SEMA3E: variants seen among roughly 807,000 people sequenced by gnomAD.
SEMA3E encodes semaphorin 3E.
A neutral mutation model predicts 93.6 loss-of-function variants in SEMA3E; 49 were observed. The observed-to-expected ratio is 0.52, with a 90% CI of 0.42 to 0.66. The LOEUF is 0.66. Among genes scored for constraint, SEMA3E ranks in the 30% least tolerant of loss-of-function variants. The pLI is 0.00. For missense variants in SEMA3E, 906 were observed against 964.8 expected, an observed-to-expected ratio of 0.94 and a Z score of 0.81; for synonymous variants, 363 against 330.7, an observed-to-expected ratio of 1.10 and a Z score of -1.06.
chr7:83,386,884 T>C (rs989090723), intron 15 of SEMA3E, 99 bp downstream of exon 15: 3 of 1,050,232 alleles, frequency 2.9e-6, no homozygotes, highest in Non-Finnish European at 4.3e-6. Context: ...CTAGTATACA[T>C]GAATCACAAA....
chr7:83,394,375 A>G (rs1397531609), intron 12 of SEMA3E, 37 bp from the exon 13 acceptor site: 1 of 1,548,970 alleles, frequency 6.5e-7, no homozygotes, highest in African/African-American at 1.4e-5. Flanking sequence ...TTAAGAAAAC[A>G]GTATAAAAAC....
rs1262306988 is a variant in SEMA3E, at chr7:83,637,646, ACTT to A, written c.115+10779_115+10781del. Among the ~76,000 whole-genome samples, 7 of 152,138 alleles carry A rather than the reference ACTT, an allele frequency of 4.6e-5. No individual in the cohort carries two copies. In the South Asian group the frequency reaches 1.0e-3, roughly 23 times the overall value. ...AGGGGCTTTTCACCTTTTGCTCTGC[ACTT>A]CTTCTGCTGCCATATGAGGAAGGAT... On this transcript the variant is annotated intron_variant, in intron 1 of 16. Coordinates refer to ENST00000643230, the MANE Select transcript of SEMA3E (RefSeq NM_012431.3).
rs369848880 is a variant in SEMA3E at position 83,408,440 on chromosome 7, C to T, written c.598G>A (p.Ala200Thr). ...GLYSDYWSRDAAIFRSMGRLA... is the reference protein window; with the variant it reads ...GLYSDYWSRDTAIFRSMGRLA... ...CGCCCCATGCTGCGGAAGATCGCAG[C>T]GTCTCTGCTCCAGTAGTCACTGTAG... The change falls in exon 6 of 17, where the codon GCT becomes ACT. Residue 200 changes from alanine to threonine, a missense_variant. Physicochemically the swap from Ala to Thr is moderately conservative, Grantham distance 58. Coordinates refer to ENST00000643230, the MANE Select transcript of SEMA3E (RefSeq NM_012431.3). 1 of 1,613,706 alleles carries T rather than the reference C, an allele frequency of 6.2e-7. No individual in the cohort carries two copies. Among genetic ancestry groups the T allele is most frequent in the Non-Finnish European group, 8.5e-7 (1 of 1,179,792 alleles).
At chr7:83,564,056 A>G (rs1024144674) in intron 1 of SEMA3E, among the ~76,000 whole-genome samples, 1 of 152,194 alleles carries the variant, frequency 6.6e-6, no homozygotes, top group South Asian at 2.1e-4. Context: ...TCCATATAGA[A>G]GCCGATAATG....
intron 1 of SEMA3E, among the ~76,000 whole-genome samples, chr7:83,517,383 A>G (rs1324718795): frequency 6.6e-6 from 1 of 152,186 alleles, no homozygotes; most frequent in African/African-American, 2.4e-5. Context: ...GCTTTACCCA[A>G]ACACTTAGGA....
At chr7:83,433,510 C>T (rs1181142565) in intron 4 of SEMA3E, among the ~76,000 whole-genome samples, 1 of 152,106 alleles carries the variant, frequency 6.6e-6, no homozygotes, top group African/African-American at 2.4e-5. Flanking sequence ...ACAACCTTAA[C>T]AATGCTTCCC....
intron 4 of SEMA3E, among the ~76,000 whole-genome samples, chr7:83,454,974 A>G (rs1789451908): frequency 6.6e-6 from 1 of 152,152 alleles, no homozygotes; most frequent in Non-Finnish European, 1.5e-5. Flanking sequence ...ACATATTTTC[A>G]GAGAGATTTG....
At chr7:83,454,231 G>A (rs1158008999) in intron 4 of SEMA3E, among the ~76,000 whole-genome samples, 12 of 127,954 alleles carry the variant, frequency 9.4e-5, no homozygotes, top group African/African-American at 3.6e-4. Context: ...GCACTCCAGC[G>A]TGGGCGACAG....
At chr7:83,426,327 G>T (rs543814718) in intron 4 of SEMA3E, among the ~76,000 whole-genome samples, 1 of 152,202 alleles carries the variant, frequency 6.6e-6, no homozygotes, top group African/African-American at 2.4e-5. Context: ...AATCAACATA[G>T]GTGCCCATCA....
intron 9 of SEMA3E, among the ~76,000 whole-genome samples, 154 bp downstream of exon 9, chr7:83,405,296 T>C (rs1562767053): frequency 6.6e-6 from 1 of 152,012 alleles, no homozygotes; most frequent in Non-Finnish European, 1.5e-5. Context: ...TTTGCAAACG[T>C]TGGAAAATAA....
intron 12 of SEMA3E, 25 bp from the exon 13 acceptor site, chr7:83,394,363 T>C (rs1788078719): frequency 6.3e-7 from 1 of 1,591,624 alleles, no homozygotes; most frequent in East Asian, 2.2e-5. Flanking sequence ...AAGTTTTCAT[T>C]TTTAAGAAAA....
Position 83,461,878 on chromosome 7 carries a change from C to T in SEMA3E, c.456+4604G>A, listed in dbSNP as rs372807758. Reference sequence around the variant, plus strand: ...TCTCCAACACACAAGAACTTCCAAACGCCTGAACCGCAGCAGCCAGGCGTT... The same window carrying T: ...TCTCCAACACACAAGAACTTCCAAATGCCTGAACCGCAGCAGCCAGGCGTT... On this transcript the variant is annotated intron_variant, in intron 4 of 16. Transcript: ENST00000643230. 4.7e-4 allele frequency among the ~76,000 whole-genome samples: 72 copies of T among 152,310 alleles called. 1 individual carries two copies. The highest frequency in any genetic ancestry group is 1.6e-3 in the African/African-American group (68 of 41,574).
chr7:83,425,781 A>G (rs373646788), intron 4 of SEMA3E, among the ~76,000 whole-genome samples: 42 of 152,322 alleles, frequency 2.8e-4, no homozygotes, highest in African/African-American at 8.9e-4. Flanking sequence ...AGCAAGAGCA[A>G]CTATCAACAG....
At chr7:83,422,718 A>C (rs974198505) in intron 4 of SEMA3E, among the ~76,000 whole-genome samples, 1 of 152,348 alleles carries the variant, frequency 6.6e-6, no homozygotes, top group Admixed American at 6.5e-5. Context: ...AGGTTGTTTT[A>C]TCTAATGGGT....
intron 5 of SEMA3E, among the ~76,000 whole-genome samples, chr7:83,417,727 AC>A (rs1045170147): frequency 6.6e-6 from 1 of 152,084 alleles, no homozygotes; most frequent in Non-Finnish European, 1.5e-5. Context: ...GCAATTTTTA[AC>A]CCCAAATTGC....
At position 83,367,880 on chromosome 7, in the gene SEMA3E, G is replaced by A. The variant is rs146635766; in HGVS notation, c.2034C>T (p.Val678=). 1.9e-5 allele frequency: 30 copies of A among 1,610,782 alleles called. No individual in the cohort carries two copies. In the Middle Eastern group the frequency reaches 4.9e-4, roughly 27 times the overall value. ...ITLEVVEEEK[V]EDMFNKDDEE... ...CATCGTCCTTGTTAAACATATCCTC[G>A]ACTTTCTCCTCTTCCACTACCTCCA... The change falls in exon 17 of 17, where the codon GTC becomes GTT. Residue 678 remains valine, a synonymous_variant. Coordinates refer to ENST00000643230, the MANE Select transcript of SEMA3E (RefSeq NM_012431.3).
rs1015627755 is a variant in SEMA3E, at chr7:83,515,490, G to C, written c.116-25216C>G. Among the ~76,000 whole-genome samples, 5 of 152,068 alleles carry C rather than the reference G, an allele frequency of 3.3e-5. No homozygotes were observed. The East Asian group carries it at 7.7e-4, about 24-fold the overall frequency. The stretch of plus-strand genomic sequence containing the variant: ...TCCATCCTTCCCATGCTGCTTAGAG[G>C]AGTGGAGAGTATGAGATATTCCTAA... On this transcript the variant is annotated intron_variant, in intron 1 of 16. Coordinates refer to ENST00000643230, the MANE Select transcript of SEMA3E (RefSeq NM_012431.3).
chr7:83,425,505 CT>C (rs1301698440), intron 4 of SEMA3E, among the ~76,000 whole-genome samples: 3 of 152,112 alleles, frequency 2.0e-5, no homozygotes, highest in African/African-American at 7.2e-5. Context: ...GCAAAGAGTC[CT>C]TTCTGAATTG....
intron 1 of SEMA3E, among the ~76,000 whole-genome samples, chr7:83,512,947 A>G (rs748493870): frequency 2.0e-5 from 3 of 152,226 alleles, no homozygotes; most frequent in Admixed American, 6.5e-5. Context: ...AATGCCATAC[A>G]TTACTAAAGG....
Sources: gnomAD v4.1 joint callset for allele counts (sites outside exome capture counted in the v4.1 genomes callset) on GRCh38, gnomAD v4.1.1 for gene constraint, MANE v1.5 for transcripts, NCBI Gene and HGNC (gene_info 2026-07-23, HGNC 2026-07-21) for gene names.